Variants in ERO1B observed in about 807,000 individuals in gnomAD.
ERO1B encodes the protein ERO1-like protein beta.
A neutral mutation model predicts 75.3 loss-of-function variants in ERO1B; 49 were observed. The observed-to-expected ratio is 0.65, with a 90% CI of 0.52 to 0.83. The LOEUF is 0.83. Among genes scored for constraint, ERO1B ranks in the 40% least tolerant of loss-of-function variants. The pLI, the probability that ERO1B is intolerant of heterozygous loss-of-function variation, is 0.00. For missense variants in ERO1B, 512 were observed against 560.1 expected (o/e 0.91, Z 0.87); for synonymous variants, 191 against 192.9 (o/e 0.99, Z 0.08).
chr1:236,244,687 C>G (rs1664797769), intron 5 of ERO1B, among the ~76,000 whole-genome samples: 1 of 152,142 alleles, frequency 6.6e-6, no homozygotes. Context: ...TCACCTAACC[C>G]CTGCCTAAAA....
chr1:236,264,794 G>A (rs763850464), intron 2 of ERO1B, among the ~76,000 whole-genome samples: 6 of 152,014 alleles, frequency 3.9e-5, no homozygotes, highest in South Asian at 4.2e-4. Flanking sequence ...GCAGTGAGTC[G>A]AGATCACACC....
In ERO1B at chr1:236,236,376, C is replaced by T. The variant is rs1558509583; in HGVS notation, c.528G>A (p.Gln176=). ...ELDDERSPAA[Q]YVDLLLNPER... ...CTGGGTTCAGCAATAGGTCTACATA[C>T]TGAGCAGCTGGAGATCTCTCATCTG... Residue 176 remains glutamine (Q), a synonymous_variant, in exon 7 of 16, where the codon CAG becomes CAA. Transcript: ENST00000354619. 1.2e-6 allele frequency: 2 copies of T among 1,613,740 alleles called. No homozygotes were observed. The highest frequency in any genetic ancestry group is 3.3e-5 in the Admixed American group (2 of 60,000).
intron 1 of ERO1B, among the ~76,000 whole-genome samples, chr1:236,273,810 GAAAAAAAA>G (rs71176476): frequency 9.7e-6 from 1 of 102,730 alleles, no homozygotes; most frequent in African/African-American, 3.5e-5. Context: ...TGTCTCAAAA[GAAAAAAAA>G]AAAAAAAAAA....
rs767963087 is a variant in ERO1B at position 236,226,296 on chromosome 1, A to C, written c.1025T>G (p.Leu342Arg). The C allele has an allele frequency of 1.9e-5, 30 of 1,613,890 alleles. No individual in the cohort carries two copies. The highest frequency in any genetic ancestry group is 2.2e-5 in the Non-Finnish European group (26 of 1,179,968). ...NAEEDADTKT[L>R]LLNIFQDTKS... ...TGTATCTTGAAAGATATTCAGTAGA[A>C]GAGTTTTTGTGTCAGCATCTTCTTC... is the stretch of plus-strand genomic sequence containing the variant. The change falls in exon 12 of 16, where the codon CTT becomes CGT. Residue 342 changes from leucine (L) to arginine (R), a missense_variant. Physicochemically the swap from Leu to Arg is moderately radical, Grantham distance 102. Coordinates refer to ENST00000354619, the MANE Select transcript of ERO1B (RefSeq NM_019891.4).
At chr1:236,274,238 C>A (rs915841397) in intron 1 of ERO1B, among the ~76,000 whole-genome samples, 1 of 152,136 alleles carries the variant, frequency 6.6e-6, no homozygotes, top group Non-Finnish European at 1.5e-5. Flanking sequence ...CCTGCCTCAG[C>A]CTCTCAAAGT....
chr1:236,234,523 A>G (rs954878980), intron 8 of ERO1B, among the ~76,000 whole-genome samples: 1 of 152,196 alleles, frequency 6.6e-6, no homozygotes, highest in African/African-American at 2.4e-5. Context: ...CTTTAAGTTG[A>G]AAATAGAAAA....
chr1:236,260,365 A>G (rs1345187783), intron 2 of ERO1B, among the ~76,000 whole-genome samples: 3 of 152,220 alleles, frequency 2.0e-5, no homozygotes, highest in Non-Finnish European at 2.9e-5. Context: ...TATCTTATCA[A>G]AGAAAGACGA....
At chr1:236,241,397 A>C (rs1664697151) in intron 6 of ERO1B, among the ~76,000 whole-genome samples, 1 of 152,068 alleles carries the variant, frequency 6.6e-6, no homozygotes, top group South Asian at 2.1e-4. Flanking sequence ...TAAAAAAAAA[A>C]ATTAGCTGTG....
chr1:236,263,944 G>A (rs1435975110), intron 2 of ERO1B, among the ~76,000 whole-genome samples: 1 of 149,632 alleles, frequency 6.7e-6, no homozygotes, highest in African/African-American at 2.5e-5. Flanking sequence ...TGTAAATGGT[G>A]GTTTCCTTTC....
At chr1:236,264,063 G>A (rs1212739739) in intron 2 of ERO1B, among the ~76,000 whole-genome samples, 1 of 151,632 alleles carries the variant, frequency 6.6e-6, no homozygotes, top group African/African-American at 2.4e-5. Flanking sequence ...TTTTATTATT[G>A]ATTCTTTTGC....
intron 9 of ERO1B, among the ~76,000 whole-genome samples, chr1:236,232,502 A>C (rs1664432572): frequency 6.6e-6 from 1 of 152,182 alleles, no homozygotes; most frequent in Non-Finnish European, 1.5e-5. Context: ...CACAAGACAA[A>C]TTATCTGGTA....
At chr1:236,239,811 G>GTATATA in intron 6 of ERO1B, among the ~76,000 whole-genome samples, 1 of 59,612 alleles carries the variant, frequency 1.7e-5, no homozygotes, top group East Asian at 3.6e-4. Context: ...ATATATGTGT[G>GTATATA]TATATATATA....
intron 1 of ERO1B, among the ~76,000 whole-genome samples, chr1:236,278,337 C>T (rs1370283516): frequency 2.6e-5 from 4 of 151,890 alleles, no homozygotes; most frequent in South Asian, 2.1e-4. Context: ...TTTCATTTCT[C>T]GTTTACCCTT....
In ERO1B at chr1:236,268,690, T is replaced by G. The variant is rs111370297; in HGVS notation, c.222+1185A>C. Among the ~76,000 whole-genome samples, 867 of 150,494 alleles carry G rather than the reference T, an allele frequency of 5.8e-3. 12 individuals carry two copies. The highest frequency in any genetic ancestry group is 0.02 in the African/African-American group (836 of 40,936). On this transcript the variant is annotated intron_variant, in intron 2 of 15. Coordinates refer to ENST00000354619, the MANE Select transcript of ERO1B (RefSeq NM_019891.4). ...TCACAAGGTCAGGAGATCAAGACCA[T>G]CCTGGCTAACATGGTGAAACCCCGT...
Position 236,232,731 on chromosome 1 carries a change from A to C in ERO1B, c.685+97T>G, listed in dbSNP as rs1197125705. The C allele has an allele frequency of 2.4e-5, 27 of 1,102,476 alleles. No homozygotes were observed. In the East Asian group the frequency reaches 6.6e-4, roughly 27 times the overall value. The allele number at this position is 1,102,476 out of a possible 1,614,324, so 68.3% of individuals were successfully genotyped here. A position where few individuals can be genotyped will look rare whatever the true frequency, so the allele number is the denominator to read the frequency against. On this transcript the variant is annotated intron_variant, in intron 9 of 15. Coordinates refer to ENST00000354619, the MANE Select transcript of ERO1B (RefSeq NM_019891.4). ...GTAGCTATTTTCTTAGAAAACAGGA[A>C]TACTTTCTTTTGAATTCCATAAAGG...
intron 5 of ERO1B, among the ~76,000 whole-genome samples, chr1:236,248,389 G>C (rs891118043): frequency 6.6e-6 from 1 of 151,968 alleles, no homozygotes; most frequent in Admixed American, 6.6e-5. Flanking sequence ...ATCAAGAATG[G>C]GTATTAAAAA....
chr1:236,281,601 C>T (rs866676934), intron 1 of ERO1B, 81 bp downstream of exon 1: 1 of 1,080,318 alleles, frequency 9.3e-7, no homozygotes, highest in Middle Eastern at 3.3e-4. Context: ...CCCGGCCCTC[C>T]CCGCGTCACA....
chr1:236,269,771 A>G (rs1037353330), intron 2 of ERO1B, 104 bp downstream of exon 2: 56 of 827,928 alleles, frequency 6.8e-5, no homozygotes, highest in Admixed American at 2.6e-5. Flanking sequence ...GTGATGAAAG[A>G]TATACACAAG....
At chr1:236,281,027 T>A (rs1665817374) in intron 1 of ERO1B, among the ~76,000 whole-genome samples, 1 of 152,078 alleles carries the variant, frequency 6.6e-6, no homozygotes, top group South Asian at 2.1e-4. Context: ...AGAGCCTCCA[T>A]CCACGAGCCA....
Sources: allele counts gnomAD v4.1 joint callset (sites outside exome capture counted in the v4.1 genomes callset), GRCh38; gene constraint gnomAD v4.1.1; transcripts MANE v1.5; gene names NCBI Gene and HGNC (gene_info 2026-07-23, HGNC 2026-07-21).